The following AGO1 variants were observed in gnomAD, a reference collection of about 807,000 sequenced individuals.
The protein encoded by AGO1 is protein argonaute-1.
AGO1 carries 11 observed loss-of-function variants against 109.2 expected under a neutral mutation model. The observed-to-expected ratio is 0.10, with a 90% confidence interval of 0.06 to 0.17. AGO1 has a LOEUF of 0.17. Ranked by LOEUF, AGO1 falls within the 10% of genes least tolerant of loss-of-function variation. AGO1 has a pLI of 1.00. For missense variants in AGO1, 574 were observed against 1,140.3 expected, an observed-to-expected ratio of 0.50 and a Z score of 7.15; for synonymous variants, 422 against 418.6, an observed-to-expected ratio of 1.01 and a Z score of -0.10.
intron 1 of AGO1, among the ~76,000 whole-genome samples, chr1:35,884,547 A>G (rs745456248): frequency 1.3e-5 from 2 of 152,146 alleles, no homozygotes; most frequent in African/African-American, 2.4e-5. Context: ...CATGGCTCCT[A>G]TCTTCCACTG....
intron 11 of AGO1, among the ~76,000 whole-genome samples, chr1:35,906,092 A>AT (rs1216341165): frequency 2.0e-5 from 3 of 152,062 alleles, no homozygotes; most frequent in Non-Finnish European, 2.9e-5. Context: ...ATGTAGCTTG[A>AT]TTTTTTTACT....
chr1:35,871,939 G>A (rs1474821288), intron 1 of AGO1, among the ~76,000 whole-genome samples: 4 of 151,354 alleles, frequency 2.6e-5, no homozygotes, highest in Non-Finnish European at 4.4e-5. Context: ...GTGTGGTGGC[G>A]GGCGCCTGTA....
At position 35,901,397 on chromosome 1, in the gene AGO1, C is replaced by A; in HGVS notation, c.1021-77C>A. Reference sequence around the variant, plus strand: ...TCCCCATGGCTGACAGCCAAGGTATCTTTCCTTATTGTGGGGCTCTGGGTA... The same window carrying A: ...TCCCCATGGCTGACAGCCAAGGTATATTTCCTTATTGTGGGGCTCTGGGTA... On this transcript the variant is annotated intron_variant, in intron 8 of 18. Transcript: ENST00000373204. The surrounding 1 kb of genome is among the most constrained non-coding windows in gnomAD (Gnocchi z 4.8). The A allele has an allele frequency of 6.3e-7, 1 of 1,588,518 alleles. No homozygotes were observed. Among genetic ancestry groups the A allele is most frequent in the Non-Finnish European group, 8.6e-7 (1 of 1,164,510 alleles).
chr1:35,905,354 T>A (rs1370098460), intron 11 of AGO1, among the ~76,000 whole-genome samples: 1 of 152,226 alleles, frequency 6.6e-6, no homozygotes, highest in East Asian at 1.9e-4. Context: ...AAAATTTTTT[T>A]AAGATAATAA....
At position 35,923,777 on chromosome 1, in the gene AGO1, G is replaced by C. The variant is rs1043187507; in HGVS notation, c.*4170G>C. 2 of 152,620 alleles carry C rather than the reference G, an allele frequency of 1.3e-5. No homozygotes were observed. The highest frequency in any genetic ancestry group is 4.8e-5 in the African/African-American group (2 of 41,436). The allele number at this position is 152,620 out of a possible 1,614,324, so 9.5% of individuals were successfully genotyped here. A position where few individuals can be genotyped will look rare whatever the true frequency, so the allele number is the denominator to read the frequency against. Reference sequence around the variant, plus strand: ...GGCTGCTGTTTGGGCATCCAAGAAAGGGAGGGGAAGGAATGAGCTAAAAAC... The same window carrying C: ...GGCTGCTGTTTGGGCATCCAAGAAACGGAGGGGAAGGAATGAGCTAAAAAC... On this transcript the variant is annotated 3_prime_UTR_variant, in exon 19 of 19. Transcript: ENST00000373204.
rs1404445156 is a variant in AGO1, at chr1:35,921,760, T to A, written c.*2153T>A. 1.3e-5 allele frequency: 2 copies of A among 152,656 alleles called. No individual in the cohort carries two copies. Among genetic ancestry groups the A allele is most frequent in the Non-Finnish European group, 2.9e-5 (2 of 68,060 alleles). The allele number at this position is 152,656 out of a possible 1,614,324, so 9.5% of individuals were successfully genotyped here. A position where few individuals can be genotyped will look rare whatever the true frequency, so the allele number is the denominator to read the frequency against. On this transcript the variant is annotated 3_prime_UTR_variant, in exon 19 of 19. Coordinates refer to ENST00000373204, the MANE Select transcript of AGO1 (RefSeq NM_012199.5). ...GAAAGCATCAGGACTGTTGAGTAACTCCTCCTTTACTTTTTTCCTGCTGGC... is the reference window on the plus strand; with the variant it reads ...GAAAGCATCAGGACTGTTGAGTAACACCTCCTTTACTTTTTTCCTGCTGGC...
rs1645076052 is a variant in AGO1, at chr1:35,883,979, G to A, written c.25+533G>A. Reference sequence around the variant, plus strand: ...ACCCAGTCCCGGGATTACCCCCCGTGGGTCTGGGGAGTCGGAGCGGAGGCT... The same window carrying A: ...ACCCAGTCCCGGGATTACCCCCCGTAGGTCTGGGGAGTCGGAGCGGAGGCT... On this transcript the variant is annotated intron_variant, in intron 1 of 18. Transcript: ENST00000373204. This position sits in a 1 kb window ranked among gnomAD's most constrained non-coding sequence, Gnocchi z 5.4. Among the ~76,000 whole-genome samples, 1 of 152,234 alleles carries A rather than the reference G, an allele frequency of 6.6e-6. No individual in the cohort carries two copies. The highest frequency in any genetic ancestry group is 1.5e-5 in the Non-Finnish European group (1 of 68,036).
rs1452226490 is a variant in AGO1 at position 35,915,448 on chromosome 1, G to A, written c.1934G>A (p.Arg645His). The A allele has an allele frequency of 1.2e-6, 2 of 1,614,108 alleles. No homozygotes were observed. The highest frequency in any genetic ancestry group is 1.3e-5 in the African/African-American group (1 of 75,016). ...ATTGAAGACTTGTCCTACATGGTGC[G>A]TGAGCTCCTCATCCAATTCTACAAG... ...EIIEDLSYMV[R>H]ELLIQFYKST... The change falls in exon 15 of 19, where the codon CGT becomes CAT. Residue 645 changes from arginine to histidine, a missense_variant. Arg to His is a conservative substitution (Grantham distance 29). This residue lies in a region of AGO1 where 45 missense variants were observed against 61.3 expected (regional missense o/e 0.73). Transcript: ENST00000373204.
intron 2 of AGO1, among the ~76,000 whole-genome samples, chr1:35,890,461 A>G (rs781430400): frequency 2.0e-5 from 3 of 151,618 alleles, no homozygotes; most frequent in Non-Finnish European, 2.9e-5. Context: ...TCCACTTAAC[A>G]ATATATTTTT....
intron 1 of AGO1, chr1:35,873,507 T>C (rs1362504166): frequency 6.5e-6 from 1 of 152,718 alleles, no homozygotes; most frequent in East Asian, 1.9e-4. Flanking sequence ...ATACCAACTC[T>C]TGGTTTCATA....
chr1:35,895,016 G>A (rs913300351), intron 7 of AGO1, 106 bp from the exon 8 acceptor site: 1 of 1,366,590 alleles, frequency 7.3e-7, no homozygotes, highest in Non-Finnish European at 9.8e-7. Context: ...TCATATTGGG[G>A]CCAAATGAAA....
At position 35,918,427 on chromosome 1, in the gene AGO1, G is replaced by T. The variant is rs61751004; in HGVS notation, c.2265+4G>T. On this transcript the variant is annotated splice_donor_region_variant and intron_variant, in intron 17 of 18. Transcript: ENST00000373204. ...GTGCAGCCACGCAGGCATCCAGGTA[G>T]CTGGGCTTTATCTTGTGGTTCCAAT... 0.025 allele frequency: 41,080 copies of T among 1,611,152 alleles called. 651 individuals are homozygous for T. Among genetic ancestry groups the T allele is most frequent in the Non-Finnish European group, 0.031 (36,768 of 1,177,224 alleles).
chr1:35,876,847 G>A (rs192800971), intron 1 of AGO1, among the ~76,000 whole-genome samples: 178 of 152,280 alleles, frequency 1.2e-3, no homozygotes, highest in Admixed American at 5.6e-3. Context: ...CAGTGGTGCA[G>A]TCATGGTTCA....
intron 1 of AGO1, among the ~76,000 whole-genome samples, chr1:35,885,223 A>G (rs1413816813): frequency 6.6e-6 from 1 of 152,138 alleles, no homozygotes; most frequent in East Asian, 1.9e-4. Flanking sequence ...TATTTCCAAC[A>G]ACCCATGAAC....
intron 8 of AGO1, among the ~76,000 whole-genome samples, chr1:35,898,535 G>A (rs1266196816): frequency 2.6e-5 from 4 of 152,192 alleles, no homozygotes; most frequent in South Asian, 2.1e-4. Flanking sequence ...GATTACAGGC[G>A]TGAGCCATTG....
rs144343227 is a variant in AGO1 at position 35,888,313 on chromosome 1, A to G, written c.26-114A>G. ...CCCTTGGCTGGGTTGGGTAGCAGGA[A>G]AGAGGCATTCTCTATACTCTCGTGT... On this transcript the variant is annotated intron_variant, in intron 1 of 18. Transcript: ENST00000373204. This position sits in a 1 kb window ranked among gnomAD's most constrained non-coding sequence, Gnocchi z 4.1. The G allele has an allele frequency of 9.3e-6, 10 of 1,079,024 alleles. No individual in the cohort carries two copies. The African/African-American group carries it at 1.6e-4, about 17-fold the overall frequency. The allele number at this position is 1,079,024 out of a possible 1,614,324, so 66.8% of individuals were successfully genotyped here.
intron 1 of AGO1, among the ~76,000 whole-genome samples, chr1:35,884,044 C>G (rs951923554): frequency 6.6e-6 from 1 of 152,144 alleles, no homozygotes; most frequent in African/African-American, 2.4e-5. Flanking sequence ...AGGGGCTGCC[C>G]GACGTGGTGG....
chr1:35,874,657 A>G (rs1644979177), intron 1 of AGO1, among the ~76,000 whole-genome samples: 1 of 152,254 alleles, frequency 6.6e-6, no homozygotes, highest in African/African-American at 2.4e-5. Context: ...GTCAGAAGCT[A>G]GAAATGATTA....
chr1:35,907,482 T>G (rs964941985), intron 12 of AGO1, among the ~76,000 whole-genome samples: 1 of 152,092 alleles, frequency 6.6e-6, no homozygotes, highest in Non-Finnish European at 1.5e-5. Context: ...CCAAGCAGAA[T>G]AGGTGGTCCT....
Sources: gnomAD v4.1 joint callset for allele counts (sites outside exome capture counted in the v4.1 genomes callset) on GRCh38, gnomAD v4.1.1 for gene constraint, gnomAD v4.1.1 regional missense constraint, Gnocchi (gnomAD v3.1) non-coding constraint, MANE v1.5 for transcripts, NCBI Gene and HGNC (gene_info 2026-07-23, HGNC 2026-07-21) for gene names.